The following ADAM20 variants were observed in gnomAD, a reference collection of about 807,000 sequenced individuals.
The protein encoded by ADAM20 is disintegrin and metalloproteinase domain-containing protein 20.
For synonymous variants in ADAM20, 305 were observed against 310.2 expected, an observed-to-expected ratio of 0.98 and a Z score of 0.18; for missense variants, 871 against 883.2, an observed-to-expected ratio of 0.99 and a Z score of 0.18.
chr14:70,540,303 T>C, the ADAM20 span, among the ~76,000 whole-genome samples: 5 of 152,232 alleles, frequency 3.3e-5, no homozygotes, highest in Non-Finnish European at 7.3e-5. Flanking sequence ...ATATGTGTTA[T>C]GTGTGCAATG....
chr14:70,567,757 C>G, the ADAM20 span, among the ~76,000 whole-genome samples: 8 of 152,034 alleles, frequency 5.3e-5, no homozygotes, highest in Admixed American at 2.0e-4. Flanking sequence ...TCTGTCCAAG[C>G]CTTCAAGAGG....
chr14:70,540,265 C>T, the ADAM20 span, among the ~76,000 whole-genome samples: 1,032 of 152,194 alleles, frequency 6.8e-3, 3 homozygotes, highest in African/African-American at 0.016. Context: ...ACTATTGGAT[C>T]TTCTTCTGGT....
chr14:70,538,872 A>C (rs1021864886), upstream of ADAM20, among the ~76,000 whole-genome samples: 7 of 152,208 alleles, frequency 4.6e-5, no homozygotes, highest in East Asian at 7.7e-4. Flanking sequence ...ATCTCAGCTC[A>C]CTGCAACCTC....
the ADAM20 span, among the ~76,000 whole-genome samples, chr14:70,540,436 T>C: frequency 6.6e-6 from 1 of 152,230 alleles, no homozygotes; most frequent in Non-Finnish European, 1.5e-5. Context: ...CTTTAAAACT[T>C]AGTGGCACAG....
At chr14:70,553,474 A>G in the ADAM20 span, among the ~76,000 whole-genome samples, 4 of 150,124 alleles carry the variant, frequency 2.7e-5, no homozygotes, top group African/African-American at 9.8e-5. Flanking sequence ...ACACATCAAG[A>G]AAAAGAGAAC....
At chr14:70,559,885 G>A in the ADAM20 span, among the ~76,000 whole-genome samples, 1 of 152,260 alleles carries the variant, frequency 6.6e-6, no homozygotes, top group South Asian at 2.1e-4. Flanking sequence ...AAATCCATTT[G>A]AATAAAGGAA....
Position 70,522,629 on chromosome 14 carries a change from A to C in ADAM20, c.2129T>G (p.Leu710Ter). The change falls in exon 2 of 2, where the codon TTA (leucine) becomes TGA (stop). Residue 710 changes from leucine to a stop codon, truncating the protein, a stop_gained. Transcript: ENST00000256389. LOFTEE classifies it low-confidence loss of function (END_TRUNC). ...TGTGCGTTTCTTAAAAAGCACATGT[A>C]AGCAAAATAATAAAAAAGCAACCAA... ...LPLVAFLLFC[L>*]HVLFKKRTKS... The C allele has an allele frequency of 6.2e-7, 1 of 1,613,702 alleles. No homozygotes were observed. The highest frequency in any genetic ancestry group is 8.5e-7 in the Non-Finnish European group (1 of 1,179,818).
the ADAM20 span, among the ~76,000 whole-genome samples, chr14:70,572,852 T>C: frequency 0.051 from 7,773 of 151,838 alleles, 256 homozygotes; most frequent in Middle Eastern, 0.099. Flanking sequence ...TCACTAATCA[T>C]CAGATAAAAA....
chr14:70,524,982 A>C, intron 1 of ADAM20, 49 bp from the exon 2 acceptor site: 1 of 1,472,096 alleles, frequency 6.8e-7, no homozygotes, highest in Non-Finnish European at 9.1e-7. Flanking sequence ...AGAAAGAGAG[A>C]GAGAAAAAAG....
At chr14:70,553,857 T>G in the ADAM20 span, among the ~76,000 whole-genome samples, 1 of 152,162 alleles carries the variant, frequency 6.6e-6, no homozygotes, top group African/African-American at 2.4e-5. Flanking sequence ...CTGAAAGCCT[T>G]TCCTTGAAGG....
At chr14:70,561,892 G>A in the ADAM20 span, among the ~76,000 whole-genome samples, 4 of 152,252 alleles carry the variant, frequency 2.6e-5, no homozygotes, top group African/African-American at 9.6e-5. Flanking sequence ...CTGCAGCAGG[G>A]GCAGAGCCCT....
chr14:70,530,455 T>C (rs1455914973), intron 1 of ADAM20, among the ~76,000 whole-genome samples: 1 of 152,192 alleles, frequency 6.6e-6, no homozygotes, highest in Non-Finnish European at 1.5e-5. Flanking sequence ...ATAAAAAGTA[T>C]AGTATAGGAA....
At chr14:70,532,829 T>A (rs975492192) in intron 1 of ADAM20, among the ~76,000 whole-genome samples, 1 of 152,138 alleles carries the variant, frequency 6.6e-6, no homozygotes, top group Non-Finnish European at 1.5e-5. Context: ...AGCAATAAAT[T>A]AAGTTTTTTC....
At chr14:70,529,388 T>C (rs76271492) in intron 1 of ADAM20, among the ~76,000 whole-genome samples, 4,045 of 152,280 alleles carry the variant, frequency 0.027, 81 homozygotes, top group Middle Eastern at 0.058. Context: ...ATCTGAAAAA[T>C]TCACAAATAC....
the ADAM20 span, among the ~76,000 whole-genome samples, chr14:70,575,251 G>T: frequency 2.6e-5 from 4 of 151,998 alleles, no homozygotes; most frequent in African/African-American, 9.6e-5. Flanking sequence ...TTGCAATGCA[G>T]TGACGTGATC....
intron 1 of ADAM20, among the ~76,000 whole-genome samples, chr14:70,531,263 T>C (rs914580286): frequency 6.6e-6 from 1 of 152,146 alleles, no homozygotes; most frequent in East Asian, 1.9e-4. Flanking sequence ...AAAAATTACA[T>C]GATCATCTCA....
the ADAM20 span, among the ~76,000 whole-genome samples, chr14:70,546,396 T>C: frequency 6.6e-6 from 1 of 152,178 alleles, no homozygotes; most frequent in Non-Finnish European, 1.5e-5. Flanking sequence ...TAGGGAGACA[T>C]GAGACATCAA....
the ADAM20 span, among the ~76,000 whole-genome samples, chr14:70,574,500 C>A: frequency 3.9e-5 from 6 of 152,074 alleles, no homozygotes; most frequent in East Asian, 1.2e-3. Context: ...ATTAGCCGGG[C>A]ATGGTGGCGG....
At chr14:70,565,964 T>C in the ADAM20 span, among the ~76,000 whole-genome samples, 1 of 151,458 alleles carries the variant, frequency 6.6e-6, no homozygotes, top group Non-Finnish European at 1.5e-5. Flanking sequence ...AAGAGTGCTA[T>C]ACCCAGCAAA....
Sources: gnomAD v4.1 joint callset for allele counts (sites outside exome capture counted in the v4.1 genomes callset) on GRCh38, gnomAD v4.1.1 for gene constraint, MANE v1.5 for transcripts, NCBI Gene and HGNC (gene_info 2026-07-23, HGNC 2026-07-21) for gene names.